The following LRP1B variants were observed in gnomAD, a reference collection of about 807,000 sequenced individuals.
LRP1B encodes the protein LDL receptor related protein 1B, also known as low-density lipoprotein receptor-related protein 1B.
LRP1B carries 217 observed loss-of-function variants against 556.6 expected under a neutral mutation model. The ratio of observed to expected loss-of-function variants is 0.39; its 90% CI spans 0.35 to 0.44. The LOEUF (loss-of-function observed/expected upper bound fraction) is 0.44, where lower values mean the gene tolerates loss of function less well. LRP1B is among the 20% of genes least tolerant of loss of function. The pLI is 1.00. For missense variants in LRP1B, 5,053 were observed against 5,620.8 expected (o/e 0.90, Z 3.23); for synonymous variants, 2,047 against 1,865.8 (o/e 1.10, Z -2.50).
intron 11 of LRP1B, among the ~76,000 whole-genome samples, chr2:141,021,082 T>C (rs2105398804): frequency 6.6e-6 from 1 of 152,132 alleles, no homozygotes; most frequent in South Asian, 2.1e-4. Context: ...TACATAGACT[T>C]CCTCTTTTCC....
At chr2:141,607,042 CTG>C in intron 2 of LRP1B, among the ~76,000 whole-genome samples, 1 of 151,856 alleles carries the variant, frequency 6.6e-6, no homozygotes, top group African/African-American at 2.4e-5. Flanking sequence ...TCAGTACCTT[CTG>C]TGTGGCCAGC....
At chr2:142,113,603 T>C (rs1241937423) in intron 1 of LRP1B, among the ~76,000 whole-genome samples, 1 of 152,048 alleles carries the variant, frequency 6.6e-6, no homozygotes, top group African/African-American at 2.4e-5. Flanking sequence ...GTTGTGTTCA[T>C]GGTGAAGCAG....
intron 2 of LRP1B, among the ~76,000 whole-genome samples, chr2:141,637,402 G>A (rs1689140811): frequency 6.6e-6 from 1 of 152,142 alleles, no homozygotes; most frequent in Admixed American, 6.5e-5. Context: ...TATTCTAGGG[G>A]AAGAAACCCA....
intron 41 of LRP1B, among the ~76,000 whole-genome samples, chr2:140,639,196 A>G (rs1388123969): frequency 1.3e-5 from 2 of 152,216 alleles, no homozygotes; most frequent in African/African-American, 4.8e-5. Flanking sequence ...GATAATCATA[A>G]TGTAAAAAAT....
chr2:141,221,292 A>G (rs1177139817), intron 6 of LRP1B, among the ~76,000 whole-genome samples: 1 of 12,088 alleles, frequency 8.3e-5, no homozygotes, highest in African/African-American at 1.1e-4. Flanking sequence ...CAAAGATAAA[A>G]AAAAAAAAAA....
chr2:141,834,677 A>G (rs78029832), intron 1 of LRP1B, among the ~76,000 whole-genome samples: 1,590 of 152,084 alleles, frequency 0.01, 35 homozygotes, highest in African/African-American at 0.037. Context: ...CAGGGCCACT[A>G]TGGTGCTATC....
chr2:140,897,186 C>T (rs934339737), intron 23 of LRP1B, among the ~76,000 whole-genome samples: 2 of 152,146 alleles, frequency 1.3e-5, no homozygotes, highest in African/African-American at 4.8e-5. Context: ...GAAAATATAG[C>T]AATCTTAACA....
chr2:141,386,901 C>T (rs1689853069), intron 3 of LRP1B, among the ~76,000 whole-genome samples: 1 of 151,960 alleles, frequency 6.6e-6, no homozygotes, highest in South Asian at 2.1e-4. Flanking sequence ...ACAGAATACA[C>T]ATTCTTTTCA....
intron 11 of LRP1B, among the ~76,000 whole-genome samples, chr2:141,045,251 C>T (rs1224051149): frequency 9.7e-6 from 1 of 102,660 alleles, no homozygotes; most frequent in Non-Finnish European, 1.8e-5. Flanking sequence ...AGGGGAATAT[C>T]ACACTCTGGG....
chr2:141,624,690 T>C (rs1286202206), intron 2 of LRP1B, among the ~76,000 whole-genome samples: 1 of 152,212 alleles, frequency 6.6e-6, no homozygotes, highest in Admixed American at 6.5e-5. Context: ...AACTTTATGT[T>C]AGCATTATTC....
chr2:141,415,403 A>C (rs192697161), intron 3 of LRP1B, among the ~76,000 whole-genome samples: 3 of 152,262 alleles, frequency 2.0e-5, no homozygotes, highest in Middle Eastern at 3.4e-3. Flanking sequence ...TTCCTACAAG[A>C]GAATAGCTAA....
At position 141,765,115 on chromosome 2, in the gene LRP1B, A is replaced by AAACAAACAAACT. The variant is rs370480287; in HGVS notation, c.205+45163_205+45164insAGTTTGTTTGTT. Among the ~76,000 whole-genome samples the AAACAAACAAACT allele has an allele frequency of 4.4e-4, 65 of 149,190 alleles. 4 individuals carry two copies. The highest frequency in any genetic ancestry group is 7.9e-4 in the East Asian group (4 of 5,088). ...CATACAAACAAACAAACAAACAAACAGGGAAAGAATTCGCAAGTAGGTTTT... is the reference window on the plus strand; with the variant it reads ...CATACAAACAAACAAACAAACAAACAAACAAACAAACTGGGAAAGAATTCGCAAGTAGGTTTT... On this transcript the variant is annotated intron_variant, in intron 2 of 90. Transcript: ENST00000389484.
intron 41 of LRP1B, among the ~76,000 whole-genome samples, chr2:140,625,916 T>C (rs1683641477): frequency 6.6e-6 from 1 of 152,186 alleles, no homozygotes; most frequent in Admixed American, 6.5e-5. Context: ...AACAAAAATC[T>C]GTACATGGTT....
In LRP1B at chr2:141,648,072, G is replaced by A. The variant is rs1481718550; in HGVS notation, c.205+162207C>T. Among the ~76,000 whole-genome samples, 5 of 152,146 alleles carry A rather than the reference G, an allele frequency of 3.3e-5. No homozygotes were observed. The East Asian group carries it at 9.7e-4, about 29-fold the overall frequency. On this transcript the variant is annotated intron_variant, in intron 2 of 90. Coordinates refer to ENST00000389484, the MANE Select transcript of LRP1B (RefSeq NM_018557.3). Reference sequence around the variant, plus strand: ...TCTCTCACTTGGAAGATGTTATGGTGAGACGAATCATGTGATTCAGGAAAA... The same window carrying A: ...TCTCTCACTTGGAAGATGTTATGGTAAGACGAATCATGTGATTCAGGAAAA...
chr2:140,260,632 GT>G (rs1212064308), intron 86 of LRP1B, among the ~76,000 whole-genome samples: 2 of 151,446 alleles, frequency 1.3e-5, no homozygotes, highest in Non-Finnish European at 3.0e-5. Flanking sequence ...TGTATTTATT[GT>G]TTTTTTATTT....
At chr2:140,602,065 G>A (rs1162248504) in intron 41 of LRP1B, among the ~76,000 whole-genome samples, 1 of 151,912 alleles carries the variant, frequency 6.6e-6, no homozygotes, top group Non-Finnish European at 1.5e-5. Flanking sequence ...GAGATGTCCA[G>A]GAAAAGCAAA....
At chr2:141,850,244 G>A (rs1574425583) in intron 1 of LRP1B, among the ~76,000 whole-genome samples, 2 of 151,350 alleles carry the variant, frequency 1.3e-5, no homozygotes, top group South Asian at 2.1e-4. Context: ...TTTCCCCCAT[G>A]GTCCCTAATA....
chr2:141,346,845 T>C (rs1688271683), intron 3 of LRP1B, among the ~76,000 whole-genome samples: 1 of 152,164 alleles, frequency 6.6e-6, no homozygotes, highest in African/African-American at 2.4e-5. Context: ...AGGTAACATA[T>C]ATCCATCTGC....
At chr2:141,550,009 A>C (rs1685692701) in intron 2 of LRP1B, among the ~76,000 whole-genome samples, 1 of 152,218 alleles carries the variant, frequency 6.6e-6, no homozygotes, top group Non-Finnish European at 1.5e-5. Context: ...AAAGAAAAAG[A>C]AACACTGCGT....
Sources: gnomAD v4.1 joint callset for allele counts (sites outside exome capture counted in the v4.1 genomes callset) on GRCh38, gnomAD v4.1.1 for gene constraint, MANE v1.5 for transcripts, NCBI Gene and HGNC (gene_info 2026-07-23, HGNC 2026-07-21) for gene names.